The following SRRM4 variants were observed in gnomAD, a reference collection of about 807,000 sequenced individuals.
The protein encoded by SRRM4 is serine/arginine repetitive matrix protein 4.
A neutral mutation model predicts 68.9 loss-of-function variants in SRRM4; 33 were observed. The observed-to-expected ratio is 0.48, with a 90% CI of 0.36 to 0.64. SRRM4 has a LOEUF of 0.64. SRRM4 is among the 30% of genes least tolerant of loss of function. SRRM4 has a pLI of 0.00. For synonymous variants in SRRM4, 318 were observed against 318.8 expected, an observed-to-expected ratio of 1.00 and a Z score of 0.03; for missense variants, 817 against 827.1, an observed-to-expected ratio of 0.99 and a Z score of 0.15.
intron 1 of SRRM4, among the ~76,000 whole-genome samples, chr12:119,099,375 C>G (rs12810405): frequency 0.21 from 32,108 of 151,974 alleles, 4,056 homozygotes; most frequent in South Asian, 0.28. Context: ...CTCAAGTTAT[C>G]CACTTGCCTC....
Position 119,125,378 on chromosome 12 carries a change from A to G in SRRM4, c.516-3A>G. The G allele has an allele frequency of 6.2e-7, 1 of 1,611,252 alleles. No homozygotes were observed. Among genetic ancestry groups the G allele is most frequent in the Non-Finnish European group, 8.5e-7 (1 of 1,178,746 alleles). The stretch of plus-strand genomic sequence containing the variant: ...CTGACTCGTTCCTTCTCATCCCCCC[A>G]AGATCTCGAAGCCGGCCCCGAAAGT... On this transcript the variant is annotated splice_region_variant and splice_polypyrimidine_tract_variant and intron_variant, in intron 6 of 12. Coordinates refer to ENST00000267260, the MANE Select transcript of SRRM4 (RefSeq NM_194286.4).
chr12:119,078,370 G>A (rs1166123091), intron 1 of SRRM4, among the ~76,000 whole-genome samples: 3 of 152,176 alleles, frequency 2.0e-5, no homozygotes, highest in African/African-American at 7.2e-5. Flanking sequence ...AATTACAGGT[G>A]CACAATTAAT....
intron 1 of SRRM4, among the ~76,000 whole-genome samples, chr12:119,041,470 A>T (rs1953668457): frequency 6.6e-6 from 1 of 152,234 alleles, no homozygotes; most frequent in Non-Finnish European, 1.5e-5. Context: ...TTTTTTACAT[A>T]ACTTGCATAA....
intron 1 of SRRM4, among the ~76,000 whole-genome samples, chr12:119,022,871 C>T (rs971988863): frequency 6.6e-6 from 1 of 152,208 alleles, no homozygotes; most frequent in Non-Finnish European, 1.5e-5. Flanking sequence ...TCAGATTTGG[C>T]TCTGCCATTC....
chr12:118,990,618 T>C (rs7298478), intron 1 of SRRM4, among the ~76,000 whole-genome samples: 41,465 of 152,064 alleles, frequency 0.27, 5,923 homozygotes, highest in Non-Finnish European at 0.31. Flanking sequence ...CATCTTGTTT[T>C]ATGTTCAATC....
chr12:119,004,848 C>T (rs1953406348), intron 1 of SRRM4, among the ~76,000 whole-genome samples: 2 of 151,952 alleles, frequency 1.3e-5, no homozygotes, highest in South Asian at 4.2e-4. Context: ...CAGATCTCCC[C>T]ATTGCCACCA....
intron 1 of SRRM4, among the ~76,000 whole-genome samples, chr12:118,988,093 T>C (rs10775010): frequency 0.64 from 96,580 of 151,560 alleles, 31,234 homozygotes; most frequent in Middle Eastern, 0.76. Context: ...GTCTTAAGCA[T>C]GATAATGTAG....
At chr12:119,033,271 T>C (rs1013901505) in intron 1 of SRRM4, among the ~76,000 whole-genome samples, 1 of 152,234 alleles carries the variant, frequency 6.6e-6, no homozygotes, top group African/African-American at 2.4e-5. Flanking sequence ...ATTTGCTTCA[T>C]CTTTTTCTCT....
At chr12:119,070,229 A>C (rs962103697) in intron 1 of SRRM4, among the ~76,000 whole-genome samples, 201 of 152,234 alleles carry the variant, frequency 1.3e-3, no homozygotes, top group Middle Eastern at 6.8e-3. Flanking sequence ...AAAAAAAAAA[A>C]AAAACTAGCC....
intron 1 of SRRM4, among the ~76,000 whole-genome samples, chr12:119,078,247 A>G (rs1953928059): frequency 6.6e-6 from 1 of 152,220 alleles, no homozygotes; most frequent in East Asian, 1.9e-4. Flanking sequence ...ATGTCCTGGT[A>G]TTATAAGCAT....
chr12:119,146,410 A>C (rs934873480), intron 9 of SRRM4, among the ~76,000 whole-genome samples: 4 of 151,052 alleles, frequency 2.6e-5, no homozygotes, highest in African/African-American at 4.9e-5. Context: ...AACATGGAGA[A>C]ACCCTGTCTC....
At chr12:119,056,133 C>T (rs1953774732) in intron 1 of SRRM4, among the ~76,000 whole-genome samples, 1 of 152,206 alleles carries the variant, frequency 6.6e-6, no homozygotes, top group Non-Finnish European at 1.5e-5. Flanking sequence ...TCCCACAAGG[C>T]CCAGAATAGC....
At chr12:118,984,786 C>T (rs1565883219) in intron 1 of SRRM4, among the ~76,000 whole-genome samples, 1 of 152,082 alleles carries the variant, frequency 6.6e-6, no homozygotes, top group Non-Finnish European at 1.5e-5. Flanking sequence ...ATGTCTGCCT[C>T]AAATGTCAGA....
intron 1 of SRRM4, among the ~76,000 whole-genome samples, chr12:119,086,178 T>C (rs1321071404): frequency 1.3e-5 from 2 of 152,122 alleles, no homozygotes; most frequent in African/African-American, 4.8e-5. Context: ...ATTGAAAACA[T>C]CTGGGTCCAG....
chr12:119,156,556 A>C lies in SRRM4; in HGVS notation c.1594A>C (p.Ser532Arg). Reference protein sequence around the residue: ...PSPSSSGSLSSTSSWYSSSSS... With the variant: ...PSPSSSGSLSRTSSWYSSSSS... ...CCCCTCCTCATCCGGCAGCCTCAGC[A>C]GCACCTCCTCCTGGTACAGCAGCAG... The change falls in exon 13 of 13, where the codon AGC becomes CGC. Residue 532 changes from serine to arginine, a missense_variant. Transcript: ENST00000267260. The C allele has an allele frequency of 6.2e-7, 1 of 1,611,564 alleles. No individual in the cohort carries two copies. The highest frequency in any genetic ancestry group is 2.2e-5 in the East Asian group (1 of 44,848).
intron 1 of SRRM4, chr12:119,001,624 G>A (rs994596054): frequency 1.3e-5 from 2 of 152,166 alleles, no homozygotes; most frequent in Admixed American, 6.5e-5. Flanking sequence ...ACCCTGTCAT[G>A]TATGTATTGT....
At position 119,070,422 on chromosome 12, in the gene SRRM4, C is replaced by T. The variant is rs533682608; in HGVS notation, c.132-31814C>T. ...GAGTAGGGGCATCTTAGAGTTCACC[C>T]ATGTCTGCAATTTCCAAACTATATT... On this transcript the variant is annotated intron_variant, in intron 1 of 12. Transcript: ENST00000267260. Among the ~76,000 whole-genome samples, 15 of 152,210 alleles carry T rather than the reference C, an allele frequency of 9.9e-5. No individual in the cohort carries two copies. In the South Asian group the frequency reaches 2.7e-3, roughly 27 times the overall value.
chr12:119,033,525 G>T (rs903512965), intron 1 of SRRM4, among the ~76,000 whole-genome samples: 1 of 152,098 alleles, frequency 6.6e-6, no homozygotes, highest in East Asian at 1.9e-4. Flanking sequence ...TTAGCTGGGC[G>T]TGGTGGCACG....
Position 119,148,569 on chromosome 12 carries a change from G to A in SRRM4, c.1077-2448G>A, listed in dbSNP as rs936931136. Among the ~76,000 whole-genome samples, 5 of 152,102 alleles carry A rather than the reference G, an allele frequency of 3.3e-5. No homozygotes were observed. In the East Asian group the frequency reaches 5.8e-4, roughly 18 times the overall value. The stretch of plus-strand genomic sequence containing the variant: ...AATGCTTTCCAGAAATAATCTTCCC[G>A]AGCTCCTCAAAACCTTTATAGGACA... On this transcript the variant is annotated intron_variant, in intron 9 of 12. Transcript: ENST00000267260.
Sources: gnomAD v4.1 joint callset for allele counts (sites outside exome capture counted in the v4.1 genomes callset) on GRCh38, gnomAD v4.1.1 for gene constraint, MANE v1.5 for transcripts, NCBI Gene and HGNC (gene_info 2026-07-23, HGNC 2026-07-21) for gene names.